COX7B2: variants seen among roughly 807,000 people sequenced by gnomAD.
COX7B2 encodes cytochrome c oxidase subunit 7B2, mitochondrial.
For missense variants in COX7B2, 109 were observed against 95.9 expected, an observed-to-expected ratio of 1.14 and a Z score of -0.57; for synonymous variants, 37 against 32.1, an observed-to-expected ratio of 1.15 and a Z score of -0.51.
intron 2 of COX7B2, among the ~76,000 whole-genome samples, chr4:46,811,989 T>C (rs1397830715): frequency 6.6e-6 from 1 of 152,184 alleles, no homozygotes; most frequent in East Asian, 1.9e-4. Flanking sequence ...AGGGATCCTC[T>C]TATTCTTGTT....
chr4:46,735,277 T>A, intron 2 of COX7B2, 36 bp from the exon 3 acceptor site: 1 of 1,463,850 alleles, frequency 6.8e-7, no homozygotes, highest in Admixed American at 2.0e-5. Flanking sequence ...TGATGTCCAA[T>A]CTTTATTCAA....
intron 2 of COX7B2, among the ~76,000 whole-genome samples, chr4:46,739,343 C>CCAAAA (rs372769147): frequency 0.011 from 1,685 of 151,402 alleles, 43 homozygotes; most frequent in African/African-American, 0.038. Context: ...CCAAACCAAA[C>CCAAAA]CAAAACAAAA....
intron 2 of COX7B2, among the ~76,000 whole-genome samples, chr4:46,837,980 C>T (rs977410524): frequency 6.6e-6 from 1 of 152,008 alleles, no homozygotes; most frequent in East Asian, 1.9e-4. Context: ...ACATGGAAGT[C>T]AACATAGATA....
chr4:46,796,302 G>A (rs1718338193), intron 2 of COX7B2, among the ~76,000 whole-genome samples: 1 of 148,556 alleles, frequency 6.7e-6, no homozygotes, highest in South Asian at 2.1e-4. Flanking sequence ...AATGCTTCCA[G>A]TTTTTGCCCA....
chr4:46,773,987 A>G (rs898710377), intron 2 of COX7B2, among the ~76,000 whole-genome samples: 1 of 152,084 alleles, frequency 6.6e-6, no homozygotes, highest in African/African-American at 2.4e-5. Context: ...GCTGACCTGA[A>G]TATTTCCTCT....
At chr4:46,894,176 A>G (rs1384869209) in intron 1 of COX7B2, among the ~76,000 whole-genome samples, 6 of 152,196 alleles carry the variant, frequency 3.9e-5, no homozygotes, top group African/African-American at 1.4e-4. Context: ...AAAAATTTAT[A>G]TGGAACCAAA....
At chr4:46,809,109 T>A (rs575437837) in intron 2 of COX7B2, among the ~76,000 whole-genome samples, 19 of 152,014 alleles carry the variant, frequency 1.2e-4, no homozygotes, top group African/African-American at 4.6e-4. Flanking sequence ...TGGCATTTAA[T>A]TGTTCGTAAT....
intron 1 of COX7B2, among the ~76,000 whole-genome samples, chr4:46,884,377 A>G (rs1387358230): frequency 6.6e-6 from 1 of 152,162 alleles, no homozygotes; most frequent in Non-Finnish European, 1.5e-5. Context: ...TTTTAAGAAA[A>G]GTTTCTGTTC....
chr4:46,904,302 G>C (rs1025396531), intron 1 of COX7B2, among the ~76,000 whole-genome samples: 1 of 151,924 alleles, frequency 6.6e-6, no homozygotes, highest in African/African-American at 2.4e-5. Context: ...TCACATGATA[G>C]GCAAAAGATT....
intron 1 of COX7B2, among the ~76,000 whole-genome samples, chr4:46,884,883 CTT>C (rs112432697): frequency 4.9e-5 from 7 of 141,630 alleles, no homozygotes; most frequent in African/African-American, 5.1e-5. Context: ...GATCTGTTTG[CTT>C]TTTTTTTTTT....
intron 2 of COX7B2, among the ~76,000 whole-genome samples, 175 bp downstream of exon 2, chr4:46,844,785 G>C (rs1430758744): frequency 1.3e-5 from 2 of 151,932 alleles, no homozygotes; most frequent in Admixed American, 1.3e-4. Context: ...CTGTCTCTTT[G>C]TGTAGTTGGG....
chr4:46,837,573 A>G lies in COX7B2; in HGVS notation c.-50+7387T>C, dbSNP rs145269546. On this transcript the variant is annotated intron_variant, in intron 2 of 2. Transcript: ENST00000355591. ...ACAGTTTCTCTTTAGGGTATTAAAA[A>G]ATGTTGGAAATGGGTAGTGGTGATG... Among the ~76,000 whole-genome samples the G allele has an allele frequency of 3.9e-3, 595 of 152,154 alleles. 2 individuals carry two copies. The highest frequency in any genetic ancestry group is 6.3e-3 in the Non-Finnish European group (426 of 67,948).
At chr4:46,824,872 G>C (rs1040459317) in intron 2 of COX7B2, among the ~76,000 whole-genome samples, 1 of 151,792 alleles carries the variant, frequency 6.6e-6, no homozygotes, top group East Asian at 1.9e-4. Context: ...GGTATAGAAG[G>C]AACATACCTA....
At position 46,767,709 on chromosome 4, in the gene COX7B2, T is replaced by G. The variant is rs531529542; in HGVS notation, c.-49-32468A>C. ...ACTAACAGGAGAAAAACTGGAAATT[T>G]CACAAGTATGTGAAAATAAAACATA... On this transcript the variant is annotated intron_variant, in intron 2 of 2. Transcript: ENST00000355591. 3.3e-5 allele frequency among the ~76,000 whole-genome samples: 5 copies of G among 152,294 alleles called. No homozygotes were observed. The East Asian group carries it at 9.6e-4, about 29-fold the overall frequency.
At chr4:46,760,883 G>C (rs1415046770) in intron 2 of COX7B2, among the ~76,000 whole-genome samples, 1 of 152,068 alleles carries the variant, frequency 6.6e-6, no homozygotes, top group Non-Finnish European at 1.5e-5. Flanking sequence ...AAGAAATGAA[G>C]AAAGAATATG....
chr4:46,890,288 C>A (rs1463939188), intron 1 of COX7B2, among the ~76,000 whole-genome samples: 1 of 152,196 alleles, frequency 6.6e-6, no homozygotes, highest in Non-Finnish European at 1.5e-5. Flanking sequence ...GATCTGGCAA[C>A]TAGCTGCGAA....
At chr4:46,812,638 G>T (rs531609100) in intron 2 of COX7B2, among the ~76,000 whole-genome samples, 3 of 152,288 alleles carry the variant, frequency 2.0e-5, no homozygotes, top group Non-Finnish European at 4.4e-5. Context: ...ACTTCCAGAA[G>T]AGGGGGGATG....
intron 2 of COX7B2, among the ~76,000 whole-genome samples, chr4:46,804,256 G>A (rs1718846622): frequency 6.6e-6 from 1 of 152,196 alleles, no homozygotes; most frequent in African/African-American, 2.4e-5. Flanking sequence ...AGAGTGAGCA[G>A]TAGCAAGACT....
intron 1 of COX7B2, among the ~76,000 whole-genome samples, chr4:46,903,566 C>T (rs1394849734): frequency 2.0e-5 from 3 of 152,148 alleles, no homozygotes; most frequent in Non-Finnish European, 2.9e-5. Flanking sequence ...TCACTACTCA[C>T]TCACTGCCTC....
Sources: allele counts gnomAD v4.1 joint callset (sites outside exome capture counted in the v4.1 genomes callset), GRCh38; gene constraint gnomAD v4.1.1; transcripts MANE v1.5; gene names NCBI Gene and HGNC (gene_info 2026-07-23, HGNC 2026-07-21).